ASIC2: variants seen among roughly 807,000 people sequenced by gnomAD.
ASIC2 encodes acid-sensing ion channel 2.
ASIC2 carries 25 observed loss-of-function variants against 57.3 expected under a neutral mutation model. The ratio of observed to expected loss-of-function variants is 0.44; its 90% CI spans 0.32 to 0.61. The LOEUF is 0.61. Ranked by LOEUF, ASIC2 falls within the 20% of genes least tolerant of loss-of-function variation. The pLI is 0.06. For missense variants in ASIC2, 641 were observed against 738.1 expected, an observed-to-expected ratio of 0.87 and a Z score of 1.52; for synonymous variants, 319 against 307.5, an observed-to-expected ratio of 1.04 and a Z score of -0.39.
chr17:33,428,576 T>A (rs1911295911), intron 1 of ASIC2, among the ~76,000 whole-genome samples: 1 of 152,058 alleles, frequency 6.6e-6, no homozygotes, highest in African/African-American at 2.4e-5. Context: ...TCCCTAAATT[T>A]CCCTTAGGAC....
At chr17:33,691,029 G>A (rs564254618) in intron 1 of ASIC2, among the ~76,000 whole-genome samples, 23 of 152,042 alleles carry the variant, frequency 1.5e-4, no homozygotes, top group Non-Finnish European at 1.3e-4. Context: ...GATTACAGGC[G>A]TGAAACACCG....
At chr17:33,212,148 G>C in intron 1 of ASIC2, among the ~76,000 whole-genome samples, 1 of 152,186 alleles carries the variant, frequency 6.6e-6, no homozygotes, top group East Asian at 1.9e-4. Flanking sequence ...ATAACTGTCT[G>C]CACAGATATC....
chr17:33,615,295 A>G lies in ASIC2; in HGVS notation c.556-503228T>C, dbSNP rs72827225. On this transcript the variant is annotated intron_variant, in intron 1 of 9. Transcript: ENST00000359872. ...TGATAACTTGTATAGGCAGTACTTA[A>G]AAGTACCTGTTATTTCCTTGTTCTT... is the stretch of plus-strand genomic sequence containing the variant. 9.4e-3 allele frequency among the ~76,000 whole-genome samples: 1,436 copies of G among 152,334 alleles called. 29 individuals are homozygous for G. The highest frequency in any genetic ancestry group is 0.072 in the East Asian group (372 of 5,184).
chr17:33,351,790 GA>G (rs1419279765), intron 1 of ASIC2, among the ~76,000 whole-genome samples: 1 of 152,188 alleles, frequency 6.6e-6, no homozygotes, highest in Non-Finnish European at 1.5e-5. Context: ...GAGCTTTTCT[GA>G]AGGTTTTCTT....
intron 1 of ASIC2, among the ~76,000 whole-genome samples, chr17:33,669,308 G>T (rs1428617746): frequency 6.6e-6 from 1 of 152,114 alleles, no homozygotes; most frequent in Admixed American, 6.5e-5. Flanking sequence ...ATGTGAAAAG[G>T]GTAATGTATT....
intron 1 of ASIC2, among the ~76,000 whole-genome samples, chr17:33,266,198 C>A (rs1366041008): frequency 6.6e-6 from 1 of 152,226 alleles, no homozygotes; most frequent in Non-Finnish European, 1.5e-5. Flanking sequence ...CTGCTACAAC[C>A]CCTGTTTGAG....
At chr17:33,048,174 A>G (rs2091962578) in intron 3 of ASIC2, among the ~76,000 whole-genome samples, 1 of 152,188 alleles carries the variant, frequency 6.6e-6, no homozygotes, top group Non-Finnish European at 1.5e-5. Context: ...CCTGGAAGAG[A>G]GTCCTCACCA....
intron 1 of ASIC2, among the ~76,000 whole-genome samples, chr17:33,406,869 G>A (rs1910492712): frequency 1.3e-5 from 2 of 152,208 alleles, no homozygotes. Flanking sequence ...ATTTGCAGAA[G>A]ATGTTGAAAA....
intron 1 of ASIC2, among the ~76,000 whole-genome samples, chr17:34,007,009 C>T (rs1187522576): frequency 2.0e-5 from 3 of 152,130 alleles, no homozygotes; most frequent in Non-Finnish European, 4.4e-5. Context: ...GGAAACCAGC[C>T]AGATATCCCC....
Position 33,702,811 on chromosome 17 carries a change from G to A in ASIC2, c.555+453167C>T, listed in dbSNP as rs952420934. Among the ~76,000 whole-genome samples, 9 of 152,140 alleles carry A rather than the reference G, an allele frequency of 5.9e-5. No individual in the cohort carries two copies. In the South Asian group the frequency reaches 6.2e-4, roughly 11 times the overall value. On this transcript the variant is annotated intron_variant, in intron 1 of 9. Coordinates refer to the ASIC2 transcript ENST00000359872. Reference sequence around the variant, plus strand: ...GTTGCCTCCCCTGGAAGTGAATCTAGGAGATTTAATGATTCATTCACTCAA... The same window carrying A: ...GTTGCCTCCCCTGGAAGTGAATCTAAGAGATTTAATGATTCATTCACTCAA...
At chr17:33,950,983 A>T (rs1904543365) in intron 1 of ASIC2, among the ~76,000 whole-genome samples, 1 of 152,100 alleles carries the variant, frequency 6.6e-6, no homozygotes. Context: ...TCCAGGCCTG[A>T]TCTATTCATT....
intron 1 of ASIC2, among the ~76,000 whole-genome samples, chr17:34,131,703 A>C (rs1332695220): frequency 6.6e-6 from 1 of 152,208 alleles, no homozygotes; most frequent in Non-Finnish European, 1.5e-5. Context: ...CAAAGGAGAA[A>C]TATTTCAGTC....
intron 1 of ASIC2, among the ~76,000 whole-genome samples, chr17:33,356,721 G>T (rs557984374): frequency 6.6e-6 from 1 of 152,160 alleles, no homozygotes; most frequent in African/African-American, 2.4e-5. Flanking sequence ...TGGATGGAGC[G>T]CCTCAGTCCC....
At chr17:34,048,736 G>A (rs967840483) in intron 1 of ASIC2, among the ~76,000 whole-genome samples, 11 of 152,282 alleles carry the variant, frequency 7.2e-5, no homozygotes, top group African/African-American at 1.4e-4. Context: ...AGGGCATGGC[G>A]TGCTATGTGT....
intron 1 of ASIC2, among the ~76,000 whole-genome samples, chr17:33,961,744 A>AG (rs61511810): frequency 0.51 from 77,051 of 151,590 alleles, 20,397 homozygotes; most frequent in African/African-American, 0.64. Flanking sequence ...TTTGGGAGGG[A>AG]AAAAAAAGTC....
intron 1 of ASIC2, among the ~76,000 whole-genome samples, chr17:33,519,130 C>G (rs1597761632): frequency 1.3e-5 from 2 of 152,222 alleles, no homozygotes; most frequent in African/African-American, 4.8e-5. Context: ...GATAACTACT[C>G]TTTTTAATCA....
At chr17:33,737,551 GTTTA>G (rs1439731998) in intron 1 of ASIC2, among the ~76,000 whole-genome samples, 1 of 151,996 alleles carries the variant, frequency 6.6e-6, no homozygotes, top group Admixed American at 6.5e-5. Context: ...CCGCTTATAG[GTTTA>G]TTTAACTTCT....
intron 1 of ASIC2, among the ~76,000 whole-genome samples, chr17:33,403,627 C>G (rs1910364155): frequency 6.6e-6 from 1 of 152,218 alleles, no homozygotes; most frequent in Non-Finnish European, 1.5e-5. Context: ...AATAATCGCT[C>G]AGACAGGTGT....
chr17:33,528,498 A>G (rs1053993187), intron 1 of ASIC2, among the ~76,000 whole-genome samples: 21 of 152,214 alleles, frequency 1.4e-4, no homozygotes, highest in Admixed American at 1.4e-3. Context: ...GGAAGAAAGA[A>G]GCAGCATGAA....
Sources: gnomAD v4.1 joint callset for allele counts (sites outside exome capture counted in the v4.1 genomes callset) on GRCh38, gnomAD v4.1.1 for gene constraint, MANE v1.5 for transcripts, NCBI Gene and HGNC (gene_info 2026-07-23, HGNC 2026-07-21) for gene names.